Variants in CALB2 observed in about 807,000 individuals in gnomAD.
CALB2 encodes the protein calretinin.
In CALB2, 34 loss-of-function variants were observed where a neutral mutation model predicts 45.9. The ratio of observed to expected loss-of-function variants is 0.74; its 90% CI spans 0.56 to 0.99. The LOEUF (loss-of-function observed/expected upper bound fraction) is 0.99, where lower values mean the gene tolerates loss of function less well. Ranked by LOEUF, CALB2 falls within the 50% of genes least tolerant of loss-of-function variation. The probability of loss-of-function intolerance (pLI) is 0.00; values close to 1 mark genes in which losing one functional copy is unlikely to be tolerated. For missense variants in CALB2, 344 were observed against 339.3 expected (o/e 1.01, Z -0.11); for synonymous variants, 142 against 129.6 (o/e 1.10, Z -0.65).
At chr16:71,374,898 A>G (rs535776697) in intron 3 of CALB2, 64 bp downstream of exon 3, 1 of 1,103,796 alleles carries the variant, frequency 9.1e-7, no homozygotes, top group Admixed American at 1.8e-5. Flanking sequence ...TGCCTCTCCC[A>G]GGCATGAGCA....
chr16:71,376,233 G>C (rs1195335150), intron 3 of CALB2, among the ~76,000 whole-genome samples: 1 of 152,168 alleles, frequency 6.6e-6, no homozygotes, highest in East Asian at 1.9e-4. Context: ...CAATGAGTGG[G>C]TGTGGCCACG....
In CALB2 at chr16:71,378,825, T is replaced by C. The variant is rs138297964; in HGVS notation, c.342+1078T>C. On this transcript the variant is annotated intron_variant, in intron 4 of 10. Transcript: ENST00000302628. ...AGGATCTCATGCCACTCAATAATAA[T>C]GTTGTGTCTCTCGAAGTCAGAGTTC... 3.4e-3 allele frequency among the ~76,000 whole-genome samples: 524 copies of C among 152,238 alleles called. 4 individuals are homozygous for C. Among genetic ancestry groups the C allele is most frequent in the African/African-American group, 0.012 (495 of 41,542 alleles).
Position 71,384,849 on chromosome 16 carries a change from G to C in CALB2, c.627+13G>C. Reference sequence around the variant, plus strand: ...ATTTTACGACAAGGTAAGAGAGGGAGTTGGCATGGCAGGGAAAATCAGAAG... The same window carrying C: ...ATTTTACGACAAGGTAAGAGAGGGACTTGGCATGGCAGGGAAAATCAGAAG... On this transcript the variant is annotated intron_variant, in intron 9 of 10. Transcript: ENST00000302628. The C allele has an allele frequency of 6.2e-7, 1 of 1,611,766 alleles. No homozygotes were observed. Among genetic ancestry groups the C allele is most frequent in the East Asian group, 2.2e-5 (1 of 44,780 alleles).
intron 7 of CALB2, 32 bp downstream of exon 7, chr16:71,384,057 T>G: frequency 6.2e-7 from 1 of 1,603,814 alleles, no homozygotes; most frequent in Non-Finnish European, 8.5e-7. Context: ...TCACTGATAC[T>G]GGCTCCCACA....
intron 4 of CALB2, among the ~76,000 whole-genome samples, chr16:71,380,360 G>A (rs919072484): frequency 8.4e-6 from 1 of 118,720 alleles, no homozygotes; most frequent in African/African-American, 3.2e-5. Flanking sequence ...CCAGCCTGGA[G>A]TGCAATGGTG....
chr16:71,389,992 A>G lies in CALB2; in HGVS notation c.*127A>G. ...CTACAGCCTGCACACACCTGCCTGC[A>G]GAGCAGGAAATGAGAGATAGAGGAT... On this transcript the variant is annotated 3_prime_UTR_variant, in exon 11 of 11. Transcript: ENST00000302628. 1 of 663,630 alleles carries G rather than the reference A, an allele frequency of 1.5e-6. No individual in the cohort carries two copies. Among genetic ancestry groups the G allele is most frequent in the Non-Finnish European group, 2.7e-6 (1 of 373,680 alleles). 41.1% of individuals were successfully genotyped at this position (663,630 alleles called of 1,614,324 possible).
intron 1 of CALB2, among the ~76,000 whole-genome samples, chr16:71,362,811 CTAAGT>C (rs894982175): frequency 4.6e-5 from 7 of 152,200 alleles, no homozygotes; most frequent in Non-Finnish European, 1.0e-4. Context: ...CTTTTACTTT[CTAAGT>C]TAATTTCCAT....
At chr16:71,381,809 T>G (rs1246830312) in intron 4 of CALB2, among the ~76,000 whole-genome samples, 1 of 150,934 alleles carries the variant, frequency 6.6e-6, no homozygotes, top group African/African-American at 2.4e-5. Context: ...AACTCAGGAG[T>G]TTGGAGATCA....
At chr16:71,379,999 G>T (rs754135486) in intron 4 of CALB2, among the ~76,000 whole-genome samples, 1 of 152,084 alleles carries the variant, frequency 6.6e-6, no homozygotes, top group Non-Finnish European at 1.5e-5. Flanking sequence ...AAAGTTCTGC[G>T]TATCCTTATA....
chr16:71,383,236 A>T, intron 5 of CALB2, 131 bp from the exon 6 acceptor site: 1 of 834,190 alleles, frequency 1.2e-6, no homozygotes, highest in East Asian at 2.7e-5. Flanking sequence ...GAGGGCCCTG[A>T]GTCATAGAAC....
intron 10 of CALB2, among the ~76,000 whole-genome samples, chr16:71,389,369 T>A (rs1464673035): frequency 6.6e-6 from 1 of 152,170 alleles, no homozygotes; most frequent in African/African-American, 2.4e-5. Context: ...ATACAAGTCA[T>A]ACATAGATCA....
chr16:71,359,469 CA>C lies in CALB2; in HGVS notation c.94+584del, dbSNP rs58169459. Among the ~76,000 whole-genome samples, 461 of 152,314 alleles carry C rather than the reference CA, an allele frequency of 3.0e-3. 3 individuals are homozygous for C. The highest frequency in any genetic ancestry group is 0.01 in the African/African-American group (421 of 41,570). The stretch of plus-strand genomic sequence containing the variant: ...TGGGCATGTAGGTTTCCCAATACAG[CA>C]GCAGTGGGTGTGGTGGCGGGCAGCG... On this transcript the variant is annotated intron_variant, in intron 1 of 10. Coordinates refer to ENST00000302628, the MANE Select transcript of CALB2 (RefSeq NM_001740.5).
chr16:71,377,255 A>G (rs932380176), intron 3 of CALB2, among the ~76,000 whole-genome samples: 9 of 152,332 alleles, frequency 5.9e-5, no homozygotes, highest in South Asian at 4.1e-4. Flanking sequence ...CCCAATGGAA[A>G]TATAGCTTTT....
At chr16:71,384,932 G>A in intron 9 of CALB2, 96 bp downstream of exon 9, 2 of 1,056,866 alleles carry the variant, frequency 1.9e-6, no homozygotes, top group South Asian at 1.3e-5. Context: ...AGCTTTCCAG[G>A]GGTGGCCTGG....
chr16:71,384,280 C>T (rs985216424), intron 7 of CALB2, 59 bp from the exon 8 acceptor site: 2 of 1,422,504 alleles, frequency 1.4e-6, no homozygotes, highest in African/African-American at 2.8e-5. Context: ...GCCTTCCCCT[C>T]TCCCGCTTGC....
At chr16:71,388,148 G>A (rs72789961) in intron 10 of CALB2, among the ~76,000 whole-genome samples, 24,555 of 151,850 alleles carry the variant, frequency 0.16, 2,724 homozygotes, top group East Asian at 0.33. Flanking sequence ...AAAATTTTAA[G>A]TATCTGCTAA....
chr16:71,369,680 C>T (rs1297587622), intron 1 of CALB2, among the ~76,000 whole-genome samples: 1 of 152,168 alleles, frequency 6.6e-6, no homozygotes, highest in East Asian at 1.9e-4. Context: ...CAGCTCTGAG[C>T]CCCCACCTCC....
At chr16:71,382,993 C>A (rs2042518134) in intron 5 of CALB2, among the ~76,000 whole-genome samples, 1 of 152,190 alleles carries the variant, frequency 6.6e-6, no homozygotes, top group Non-Finnish European at 1.5e-5. Flanking sequence ...CTCTTCTGCA[C>A]CTCCATGCTC....
intron 10 of CALB2, among the ~76,000 whole-genome samples, chr16:71,386,581 C>T (rs2042573607): frequency 6.6e-6 from 1 of 152,176 alleles, no homozygotes; most frequent in African/African-American, 2.4e-5. Flanking sequence ...GTTTGGTGCA[C>T]TGGGTGGAGG....
Sources: allele counts gnomAD v4.1 joint callset (sites outside exome capture counted in the v4.1 genomes callset), GRCh38; gene constraint gnomAD v4.1.1; transcripts MANE v1.5; gene names NCBI Gene and HGNC (gene_info 2026-07-23, HGNC 2026-07-21).